NR3C2: variants seen among roughly 807,000 people sequenced by gnomAD.
The protein encoded by NR3C2 is nuclear receptor subfamily 3 group C member 2.
Under a neutral mutation model 86.4 loss-of-function variants are expected in NR3C2, and 15 were observed. The ratio of observed to expected loss-of-function variants is 0.17; its 90% CI spans 0.12 to 0.27. The LOEUF (loss-of-function observed/expected upper bound fraction) is 0.27. Among genes scored for constraint, NR3C2 ranks in the 10% least tolerant of loss-of-function variants. NR3C2 has a pLI of 1.00. For missense variants in NR3C2, 960 were observed against 1,195.6 expected, an observed-to-expected ratio of 0.80 and a Z score of 2.91; for synonymous variants, 458 against 450.5, an observed-to-expected ratio of 1.02 and a Z score of -0.21.
At chr4:148,336,861 G>A (rs115790482) in intron 2 of NR3C2, among the ~76,000 whole-genome samples, 1 of 151,970 alleles carries the variant, frequency 6.6e-6, no homozygotes, top group Admixed American at 6.6e-5. Flanking sequence ...GCATGATCAC[G>A]GCTCACTGTA....
intron 6 of NR3C2, among the ~76,000 whole-genome samples, chr4:148,152,124 G>C (rs1334364767): frequency 6.6e-6 from 1 of 152,134 alleles, no homozygotes; most frequent in Admixed American, 6.5e-5. Context: ...AAATTAGATT[G>C]TCTTCCCAAT....
intron 2 of NR3C2, among the ~76,000 whole-genome samples, chr4:148,408,198 A>C (rs571811425): frequency 2.0e-5 from 3 of 152,346 alleles, no homozygotes; most frequent in Admixed American, 6.5e-5. Flanking sequence ...ATGTGTTTCA[A>C]GTTTTCATCA....
intron 3 of NR3C2, 42 bp downstream of exon 3, chr4:148,259,936 T>C (rs1740012920): frequency 3.1e-6 from 5 of 1,613,112 alleles, no homozygotes; most frequent in Admixed American, 1.7e-5. Flanking sequence ...AACTACACAC[T>C]AGGAAAAAAT....
In NR3C2 at chr4:148,436,080, G is replaced by C; in HGVS notation, c.781C>G (p.Leu261Val). The change falls in exon 2 of 9, where the codon CTC becomes GTC. Residue 261 changes from leucine to valine, a missense_variant. Leu to Val is a conservative substitution (Grantham distance 32). Around this residue, in one of 4 missense-constraint regions of NR3C2, gnomAD observed 680 missense variants for 719.0 expected, o/e 0.95. Transcript: ENST00000358102. ...PAHASNVGSP[L>V]SSPLSSMKSS... Reference sequence around the variant, plus strand: ...TTCATGCTACTTAACGGACTTGAGAGAGGAGAGCCCACATTGCTAGCATGT... The same window carrying C: ...TTCATGCTACTTAACGGACTTGAGACAGGAGAGCCCACATTGCTAGCATGT... The C allele has an allele frequency of 6.2e-7, 1 of 1,614,168 alleles. No individual in the cohort carries two copies. Among genetic ancestry groups the C allele is most frequent in the Non-Finnish European group, 8.5e-7 (1 of 1,180,034 alleles).
chr4:148,080,228 G>C lies in NR3C2; in HGVS notation c.*1116C>G, dbSNP rs1003490239. 1 of 152,458 alleles carries C rather than the reference G, an allele frequency of 6.6e-6. No individual in the cohort carries two copies. Among genetic ancestry groups the C allele is most frequent in the Non-Finnish European group, 1.5e-5 (1 of 68,058 alleles). The allele number at this position is 152,458 out of a possible 1,614,324, so 9.4% of individuals were successfully genotyped here. A position where few individuals can be genotyped will look rare whatever the true frequency, so the allele number is the denominator to read the frequency against. ...CAGGATGAAGCAGAAGCCAGAAAAC[G>C]TGCTGGAGTCCCACAAATGCCCCAA... On this transcript the variant is annotated 3_prime_UTR_variant, in exon 9 of 9. Coordinates refer to ENST00000358102, the MANE Select transcript of NR3C2 (RefSeq NM_000901.5).
chr4:148,254,118 T>A (rs1212163123), intron 3 of NR3C2, among the ~76,000 whole-genome samples: 1 of 152,082 alleles, frequency 6.6e-6, no homozygotes, highest in Non-Finnish European at 1.5e-5. Flanking sequence ...CTGGTCTAGG[T>A]CCATCCTAGG....
At chr4:148,131,912 A>T (rs1417650779) in intron 6 of NR3C2, among the ~76,000 whole-genome samples, 2 of 152,250 alleles carry the variant, frequency 1.3e-5, no homozygotes, top group Non-Finnish European at 2.9e-5. Flanking sequence ...CACAGATCAG[A>T]ATAACATGTG....
intron 3 of NR3C2, among the ~76,000 whole-genome samples, chr4:148,255,892 C>G (rs939355248): frequency 5.3e-5 from 8 of 152,204 alleles, no homozygotes; most frequent in African/African-American, 1.9e-4. Context: ...TCAGCTAATT[C>G]AATTGACAAT....
At chr4:148,437,794 A>C (rs1464004030) in intron 1 of NR3C2, among the ~76,000 whole-genome samples, 1 of 152,202 alleles carries the variant, frequency 6.6e-6, no homozygotes, top group Non-Finnish European at 1.5e-5. Flanking sequence ...CCTTGGCCTT[A>C]GACCAGTCAG....
chr4:148,089,375 G>A (rs952262543), intron 8 of NR3C2, among the ~76,000 whole-genome samples: 14 of 152,168 alleles, frequency 9.2e-5, no homozygotes, highest in African/African-American at 3.4e-4. Context: ...ATCTGTATCC[G>A]GGCTATAAGA....
At chr4:148,136,223 A>G (rs1400979206) in intron 6 of NR3C2, among the ~76,000 whole-genome samples, 1 of 151,872 alleles carries the variant, frequency 6.6e-6, no homozygotes, top group Non-Finnish European at 1.5e-5. Context: ...TTTTTATTCA[A>G]TAAAAAATGA....
chr4:148,245,740 A>G (rs1739283333), intron 3 of NR3C2, among the ~76,000 whole-genome samples: 1 of 152,230 alleles, frequency 6.6e-6, no homozygotes, highest in African/African-American at 2.4e-5. Context: ...GGTGTCAAGC[A>G]AAACCTTTAA....
chr4:148,350,023 T>C (rs1247703097), intron 2 of NR3C2, among the ~76,000 whole-genome samples: 1 of 152,216 alleles, frequency 6.6e-6, no homozygotes, highest in Non-Finnish European at 1.5e-5. Context: ...TTTCTGAAAG[T>C]ACCTTATTAT....
At chr4:148,187,385 G>GT (rs2149796356) in intron 4 of NR3C2, among the ~76,000 whole-genome samples, 1 of 151,864 alleles carries the variant, frequency 6.6e-6, no homozygotes, top group South Asian at 2.1e-4. Flanking sequence ...TTTATTTTTT[G>GT]ATTATGGCCA....
At chr4:148,230,079 C>T (rs1009380802) in intron 3 of NR3C2, among the ~76,000 whole-genome samples, 4 of 152,340 alleles carry the variant, frequency 2.6e-5, no homozygotes, top group Admixed American at 6.5e-5. Context: ...AATTCTCTCT[C>T]TCTTCCAGTA....
At chr4:148,194,535 C>T (rs1578997741) in intron 4 of NR3C2, among the ~76,000 whole-genome samples, 1 of 152,148 alleles carries the variant, frequency 6.6e-6, no homozygotes, top group Admixed American at 6.5e-5. Flanking sequence ...GAAAAATTCA[C>T]TAGAACTATA....
At chr4:148,118,290 G>C (rs903272411) in intron 7 of NR3C2, among the ~76,000 whole-genome samples, 4 of 152,124 alleles carry the variant, frequency 2.6e-5, no homozygotes, top group Non-Finnish European at 5.9e-5. Flanking sequence ...GCACCTGCAC[G>C]ATGCCTAATG....
At chr4:148,372,665 G>GAA (rs1271063416) in intron 2 of NR3C2, among the ~76,000 whole-genome samples, 4 of 152,132 alleles carry the variant, frequency 2.6e-5, no homozygotes, top group African/African-American at 9.7e-5. Flanking sequence ...CACATAAAAG[G>GAA]AAAAACCTGA....
chr4:148,400,003 T>C (rs374153443), intron 2 of NR3C2, among the ~76,000 whole-genome samples: 27 of 151,538 alleles, frequency 1.8e-4, no homozygotes, highest in African/African-American at 6.0e-4. Context: ...TTTCAACTTA[T>C]CTTAATTTGT....
Sources: gnomAD v4.1 joint callset for allele counts (sites outside exome capture counted in the v4.1 genomes callset) on GRCh38, gnomAD v4.1.1 for gene constraint, gnomAD v4.1.1 regional missense constraint, MANE v1.5 for transcripts, NCBI Gene and HGNC (gene_info 2026-07-23, HGNC 2026-07-21) for gene names.